The following GPM6B variants were observed in gnomAD, a reference collection of about 807,000 sequenced individuals.
GPM6B encodes the protein neuronal membrane glycoprotein M6-b.
A neutral mutation model predicts 27.2 loss-of-function variants in GPM6B; 4 were observed. The observed-to-expected ratio is 0.15, with a 90% CI of 0.07 to 0.34. The LOEUF (loss-of-function observed/expected upper bound fraction) is 0.34, where lower values mean the gene tolerates loss of function less well. Ranked by LOEUF, GPM6B falls within the 10% of genes least tolerant of loss-of-function variation. GPM6B has a pLI of 1.00. For synonymous variants in GPM6B, 124 were observed against 103.1 expected, an observed-to-expected ratio of 1.20 and a Z score of -1.23; for missense variants, 183 against 261.9, an observed-to-expected ratio of 0.70 and a Z score of 2.08.
intron 1 of GPM6B, among the ~76,000 whole-genome samples, chrX:13,810,607 G>A (rs1259661843): frequency 3.6e-5 from 4 of 110,676 alleles, no homozygotes; most frequent in Non-Finnish European, 7.6e-5. Flanking sequence ...TCATATGGAT[G>A]GGGTAAGTCT....
intron 1 of GPM6B, among the ~76,000 whole-genome samples, chrX:13,888,699 T>C (rs1381355365): frequency 9.0e-6 from 1 of 111,577 alleles, no homozygotes; most frequent in Admixed American, 9.6e-5. Context: ...TTTTGTTTGG[T>C]GGTGAAAAAC....
chrX:13,876,974 C>G (rs1162842181), intron 1 of GPM6B, among the ~76,000 whole-genome samples: 1 of 110,996 alleles, frequency 9.0e-6, no homozygotes, highest in Non-Finnish European at 1.9e-5. Context: ...ACAGACAAGA[C>G]CATTTTTTGG....
chrX:13,811,565 T>G (rs747155495), intron 1 of GPM6B, among the ~76,000 whole-genome samples: 2 of 112,507 alleles, frequency 1.8e-5, no homozygotes, highest in South Asian at 7.4e-4. Context: ...TATAAGGTTT[T>G]ATTGGAACAC....
At chrX:13,847,832 A>G (rs776455863) in intron 1 of GPM6B, among the ~76,000 whole-genome samples, 2 of 112,375 alleles carry the variant, frequency 1.8e-5, no homozygotes, top group Non-Finnish European at 3.8e-5. Context: ...CAATAGGAAT[A>G]GTATGTGCAA....
intron 2 of GPM6B, among the ~76,000 whole-genome samples, chrX:13,786,355 C>A (rs1189916895): frequency 8.9e-6 from 1 of 111,759 alleles, no homozygotes; most frequent in Admixed American, 9.5e-5. Context: ...GCAATTATGC[C>A]GTCGCCAGGT....
upstream of GPM6B, chrX:13,938,562 G>A (rs1474063525): frequency 1.2e-6 from 1 of 804,813 alleles, no homozygotes. Flanking sequence ...GGGCTCCCCG[G>A]GGACGGGCAG....
chrX:13,830,276 C>T (rs1044059657), intron 1 of GPM6B, among the ~76,000 whole-genome samples: 5 of 112,030 alleles, frequency 4.5e-5, no homozygotes, highest in African/African-American at 1.6e-4. Context: ...AAAGGTCACA[C>T]TTTCTGTTCT....
chrX:13,831,350 T>A (rs776123619), intron 1 of GPM6B, among the ~76,000 whole-genome samples: 9 of 111,022 alleles, frequency 8.1e-5, no homozygotes, highest in African/African-American at 2.6e-4. Context: ...TTGGGAGGTC[T>A]CGGTTCTAAG....
intron 2 of GPM6B, among the ~76,000 whole-genome samples, chrX:13,787,167 G>A (rs1031626931): frequency 9.2e-6 from 1 of 108,219 alleles, no homozygotes; most frequent in Non-Finnish European, 1.9e-5. Context: ...TTTTAAACTA[G>A]CATTCGCTTA....
At chrX:13,919,303 A>G (rs1235365968) in intron 1 of GPM6B, among the ~76,000 whole-genome samples, 1 of 112,559 alleles carries the variant, frequency 8.9e-6, no homozygotes, top group Non-Finnish European at 1.9e-5. Flanking sequence ...AATTCTGGGA[A>G]ACCAAGGTAT....
At chrX:13,845,313 G>T (rs1371830139) in intron 1 of GPM6B, among the ~76,000 whole-genome samples, 2 of 103,438 alleles carry the variant, frequency 1.9e-5, no homozygotes, top group Non-Finnish European at 4.0e-5. Flanking sequence ...TTCTATAGTG[G>T]AAATCTGAGC....
intron 1 of GPM6B, among the ~76,000 whole-genome samples, chrX:13,863,396 G>T (rs1488928307): frequency 9.0e-6 from 1 of 111,690 alleles, no homozygotes; most frequent in Non-Finnish European, 1.9e-5. Context: ...AAAAATGGTA[G>T]ATGACAATGC....
chrX:13,899,872 A>G (rs777050336), intron 1 of GPM6B, among the ~76,000 whole-genome samples: 1 of 112,464 alleles, frequency 8.9e-6, no homozygotes, highest in Non-Finnish European at 1.9e-5. Context: ...GCTAGTTTTC[A>G]TGAAATGTTA....
intron 4 of GPM6B, among the ~76,000 whole-genome samples, chrX:13,783,164 C>G (rs775445368): frequency 8.9e-6 from 1 of 112,603 alleles, no homozygotes; most frequent in Non-Finnish European, 1.9e-5. Flanking sequence ...TTTATTTCTG[C>G]CAGCCATAGA....
At chrX:13,827,652 A>C (rs2049392311) in intron 1 of GPM6B, among the ~76,000 whole-genome samples, 2 of 112,052 alleles carry the variant, frequency 1.8e-5, no homozygotes, top group Non-Finnish European at 3.8e-5. Context: ...AGGTAGGCGG[A>C]TCTCAACACC....
chrX:13,888,150 C>T (rs2050154957), intron 1 of GPM6B, among the ~76,000 whole-genome samples: 1 of 112,162 alleles, frequency 8.9e-6, no homozygotes, highest in South Asian at 3.7e-4. Flanking sequence ...ATGTTATAAA[C>T]ACCAACGGAA....
intron 1 of GPM6B, among the ~76,000 whole-genome samples, chrX:13,816,072 T>C (rs922828447): frequency 8.9e-6 from 1 of 112,293 alleles, no homozygotes; most frequent in Admixed American, 9.4e-5. Flanking sequence ...AAACTTGAAA[T>C]CAGTCATTAT....
intron 1 of GPM6B, among the ~76,000 whole-genome samples, chrX:13,925,514 G>A (rs1921125543): frequency 1.3e-5 from 1 of 78,453 alleles, no homozygotes; most frequent in Non-Finnish European, 2.6e-5. Flanking sequence ...TTTTGGTAGA[G>A]ATGGGGTCTC....
chrX:13,836,922 G>A (rs1267544256), intron 1 of GPM6B, among the ~76,000 whole-genome samples: 3 of 110,224 alleles, frequency 2.7e-5, no homozygotes, highest in African/African-American at 6.7e-5. Context: ...AAATCAATGC[G>A]CTTTCCTGCA....
Sources: gnomAD v4.1 joint callset for allele counts (sites outside exome capture counted in the v4.1 genomes callset) on GRCh38, gnomAD v4.1.1 for gene constraint, MANE v1.5 for transcripts, NCBI Gene and HGNC (gene_info 2026-07-23, HGNC 2026-07-21) for gene names.